Variants in PLXNB1 observed in about 807,000 individuals in gnomAD.
PLXNB1 encodes the protein plexin B1.
A neutral mutation model predicts 209.4 loss-of-function variants in PLXNB1; 106 were observed. The ratio of observed to expected loss-of-function variants is 0.51; its 90% CI spans 0.43 to 0.59. The LOEUF (loss-of-function observed/expected upper bound fraction) is 0.59. Among genes scored for constraint, PLXNB1 ranks in the 20% least tolerant of loss-of-function variants. The pLI is 0.00. For missense variants in PLXNB1, 2,357 were observed against 2,853.2 expected, an observed-to-expected ratio of 0.83 and a Z score of 3.96; for synonymous variants, 1,167 against 1,183.2, an observed-to-expected ratio of 0.99 and a Z score of 0.28.
chr3:48,423,964 G>A lies in PLXNB1; in HGVS notation c.648C>T (p.His216=). 2 of 1,613,992 alleles carry A rather than the reference G, an allele frequency of 1.2e-6. No homozygotes were observed. The highest frequency in any genetic ancestry group is 1.7e-6 in the Non-Finnish European group (2 of 1,179,984). ...LAVGRLSEYS[H]HFVSAFARGA... is the part of the protein sequence containing the mutation. The stretch of plus-strand genomic sequence containing the variant: ...CACGTGCAAAGGCACTCACGAAGTG[G>A]TGGCTGTACTCGGAGAGGCGGCCCA... Residue 216 remains histidine, a synonymous_variant, in exon 3 of 38, where the codon CAC becomes CAT. Transcript: ENST00000296440.
rs1251762988 is a variant in PLXNB1, at chr3:48,406,586, A to T, written c.6228+237T>A. 2.2e-6 allele frequency: 3 copies of T among 1,348,386 alleles called. No individual in the cohort carries two copies. The highest frequency in any genetic ancestry group is 2.9e-6 in the Non-Finnish European group (3 of 1,052,094). The allele number at this position is 1,348,386 out of a possible 1,614,324, so 83.5% of individuals were successfully genotyped here. ...CAGCTACCTTGCAAGAGCCTGGCTG[A>T]ATCAGGGTACATGGCAGCTGCCAGG... On this transcript the variant is annotated intron_variant, in intron 36 of 37. Coordinates refer to ENST00000296440, the MANE Select transcript of PLXNB1 (RefSeq NM_001130082.3). This position sits in a 1 kb window ranked among gnomAD's most constrained non-coding sequence, Gnocchi z 4.4.
chr3:48,422,500 G>A lies in PLXNB1; in HGVS notation c.1291-41C>T, dbSNP rs779040108. 5 of 1,531,308 alleles carry A rather than the reference G, an allele frequency of 3.3e-6. No homozygotes were observed. The South Asian group carries it at 4.9e-5, about 15-fold the overall frequency. 94.9% of individuals were successfully genotyped at this position (1,531,308 alleles called of 1,614,324 possible). ...ACAGGGTCTGGGACCCAAGTCCATG[G>A]CCAGAGGCCCAAAGCCCTCCCCTCC... On this transcript the variant is annotated intron_variant, in intron 4 of 37. Transcript: ENST00000296440.
Position 48,423,439 on chromosome 3 carries a change from C to T in PLXNB1, c.1107+66G>A, listed in dbSNP as rs567737745. 1.3e-4 allele frequency: 204 copies of T among 1,553,694 alleles called. No individual in the cohort carries two copies. In the African/African-American group the frequency reaches 2.3e-3, roughly 18 times the overall value. ...TGCCCTCGGACTCTCTGGGCAGCTC[C>T]TTGGCTGCAAATGCTTGGCCAGTGG... On this transcript the variant is annotated intron_variant, in intron 3 of 37. Transcript: ENST00000296440.
chr3:48,416,324 G>A lies in PLXNB1; in HGVS notation c.3480+22C>T, dbSNP rs767220788. 3 of 1,591,312 alleles carry A rather than the reference G, an allele frequency of 1.9e-6. No homozygotes were observed. The highest frequency in any genetic ancestry group is 2.6e-6 in the Non-Finnish European group (3 of 1,161,974). On this transcript the variant is annotated intron_variant, in intron 17 of 37. Coordinates refer to ENST00000296440, the MANE Select transcript of PLXNB1 (RefSeq NM_001130082.3). This position sits in a 1 kb window ranked among gnomAD's most constrained non-coding sequence, Gnocchi z 4.1. ...GAGAGGTTGGCCCGCTGGCAGCTGG[G>A]GGTGGCTCAGCAGTCAGGTACCTGG...
At position 48,406,823 on chromosome 3, in the gene PLXNB1, C is replaced by A. The variant is rs1179590812; in HGVS notation, c.6228G>T (p.Trp2076Cys). Reference protein sequence around the residue: ...EMNSVLAELSWNYSGDLGARV... With the variant: ...EMNSVLAELSCNYSGDLGARV... ...CCCAAGAAGCAGAGGGAGGCCTTAC[C>A]CAGGACAGTTCAGCCAGGACAGAGT... is the stretch of plus-strand genomic sequence containing the variant. Residue 2076 changes from tryptophan (W) to cysteine (C), a missense_variant and splice_region_variant, in exon 36 of 38, where the codon TGG becomes TGT. Transcript: ENST00000296440. This position sits in a 1 kb window ranked among gnomAD's most constrained non-coding sequence, Gnocchi z 4.4. 2.5e-6 allele frequency: 4 copies of A among 1,606,602 alleles called. No homozygotes were observed. In the African/African-American group the frequency reaches 5.4e-5, roughly 22 times the overall value.
chr3:48,406,736 CT>C lies in PLXNB1; in HGVS notation c.6228+86del. 2.7e-6 allele frequency: 4 copies of C among 1,495,270 alleles called. No individual in the cohort carries two copies. 92.6% of individuals were successfully genotyped at this position (1,495,270 alleles called of 1,614,324 possible). ...ACAGGGCTGCTGAGGTTCCCAAGGG[CT>C]TCCCTGCAAAGGGGCAGTGTGAAGG... On this transcript the variant is annotated intron_variant, in intron 36 of 37. Transcript: ENST00000296440. The surrounding 1 kb of genome is among the most constrained non-coding windows in gnomAD (Gnocchi z 4.4).
In PLXNB1 at chr3:48,422,892, C is replaced by T; in HGVS notation, c.1163G>A (p.Ser388Asn). ...TGGTGTGGCTTCCAGCGGGACCCGG[C>T]TGGCCATGGGGCTGGGCGTGTGGTC... The part of the protein sequence containing the change: ...GSDHTPSPMA[S>N]RVPLEATPIL... The change falls in exon 4 of 38, where the codon AGC becomes AAC. Residue 388 changes from serine to asparagine, a missense_variant. Transcript: ENST00000296440. 6.2e-7 allele frequency: 1 copy of T among 1,614,154 alleles called. No homozygotes were observed. The highest frequency in any genetic ancestry group is 8.5e-7 in the Non-Finnish European group (1 of 1,179,998).
rs370719969 is a variant in PLXNB1, at chr3:48,413,873, G to A, written c.4386+22C>T. ...TTTGGCCCAGGTCAATGCCCAGCCC[G>A]GCCAGGGACCTGCCCACTGACCGTG... On this transcript the variant is annotated intron_variant, in intron 22 of 37. Transcript: ENST00000296440. The surrounding 1 kb of genome is among the most constrained non-coding windows in gnomAD (Gnocchi z 5.4). The A allele has an allele frequency of 1.4e-5, 22 of 1,606,186 alleles. No homozygotes were observed. The highest frequency in any genetic ancestry group is 2.7e-5 in the African/African-American group (2 of 74,770).
rs2038223951 is a variant in PLXNB1 at position 48,418,167 on chromosome 3, G to C, written c.3222+24C>G. 6.2e-7 allele frequency: 1 copy of C among 1,610,758 alleles called. No homozygotes were observed. The highest frequency in any genetic ancestry group is 1.3e-5 in the African/African-American group (1 of 74,888). On this transcript the variant is annotated intron_variant, in intron 15 of 37. Coordinates refer to ENST00000296440, the MANE Select transcript of PLXNB1 (RefSeq NM_001130082.3). This position sits in a 1 kb window ranked among gnomAD's most constrained non-coding sequence, Gnocchi z 6.6. ...TCCCTCTAAGGGCAGCACTGAGGAA[G>C]GGATGGCCAGCCTTTCAACAAACCG...
Position 48,413,199 on chromosome 3 carries a change from G to A in PLXNB1, c.4536-30C>T, listed in dbSNP as rs755515049. On this transcript the variant is annotated intron_variant, in intron 23 of 37. Coordinates refer to ENST00000296440, the MANE Select transcript of PLXNB1 (RefSeq NM_001130082.3). This position sits in a 1 kb window ranked among gnomAD's most constrained non-coding sequence, Gnocchi z 5.4. ...TCAGCCCCAGGGTCAGGAGAGGATG[G>A]CCAGATGAGTCCTACTCGCCCAGGC... 1.9e-6 allele frequency: 3 copies of A among 1,554,284 alleles called. No homozygotes were observed. The highest frequency in any genetic ancestry group is 1.7e-5 in the Admixed American group (1 of 59,932).
rs767438000 is a variant in PLXNB1 at position 48,415,375 on chromosome 3, G to T, written c.3795-28C>A. On this transcript the variant is annotated intron_variant, in intron 19 of 37. Transcript: ENST00000296440. This position sits in a 1 kb window ranked among gnomAD's most constrained non-coding sequence, Gnocchi z 5.0. Reference sequence around the variant, plus strand: ...GAAACAGACCGTGAGCTTACGTAACGTAAGATGGCTTATGTTACCTGGACC... The same window carrying T: ...GAAACAGACCGTGAGCTTACGTAACTTAAGATGGCTTATGTTACCTGGACC... The T allele has an allele frequency of 3.7e-6, 6 of 1,603,514 alleles. No individual in the cohort carries two copies. Among genetic ancestry groups the T allele is most frequent in the Non-Finnish European group, 5.1e-6 (6 of 1,172,592 alleles).
intron 34 of PLXNB1, among the ~76,000 whole-genome samples, chr3:48,407,581 C>T (rs1271839391): frequency 2.6e-5 from 4 of 152,192 alleles, no homozygotes; most frequent in African/African-American, 9.7e-5. Context: ...GGTTCAAGTC[C>T]CAGCAGCCAT....
In PLXNB1 at chr3:48,413,854, C is replaced by T. The variant is rs2037870775; in HGVS notation, c.4387-36G>A. On this transcript the variant is annotated intron_variant, in intron 22 of 37. Coordinates refer to ENST00000296440, the MANE Select transcript of PLXNB1 (RefSeq NM_001130082.3). The surrounding 1 kb of genome is among the most constrained non-coding windows in gnomAD (Gnocchi z 5.4). ...AGCCACCTGTGAGCAAGGGTTTGGC[C>T]CAGGTCAATGCCCAGCCCGGCCAGG... is the stretch of plus-strand genomic sequence containing the variant. The T allele has an allele frequency of 6.2e-7, 1 of 1,609,150 alleles. No individual in the cohort carries two copies. Among genetic ancestry groups the T allele is most frequent in the African/African-American group, 1.3e-5 (1 of 74,866 alleles).
Position 48,417,303 on chromosome 3 carries a change from A to C in PLXNB1, c.3374+608T>G, listed in dbSNP as rs1391104096. Among the ~76,000 whole-genome samples, 3 of 152,220 alleles carry C rather than the reference A, an allele frequency of 2.0e-5. No homozygotes were observed. The highest frequency in any genetic ancestry group is 4.4e-5 in the Non-Finnish European group (3 of 68,026). ...GGGACAGGATCTGCAGGTTACCCTG[A>C]TATTCAGCCACGTTTGGGCCCTGCT... On this transcript the variant is annotated intron_variant, in intron 16 of 37. Transcript: ENST00000296440. This position sits in a 1 kb window ranked among gnomAD's most constrained non-coding sequence, Gnocchi z 4.4.
In PLXNB1 at chr3:48,417,128, G is replaced by C. The variant is rs2038150959; in HGVS notation, c.3375-677C>G. Among the ~76,000 whole-genome samples the C allele has an allele frequency of 6.6e-6, 1 of 152,140 alleles. No homozygotes were observed. Among genetic ancestry groups the C allele is most frequent in the Non-Finnish European group, 1.5e-5 (1 of 68,024 alleles). Reference sequence around the variant, plus strand: ...TAAATCACAGCAGTCTTATGGTCTGGAACACTAACAGTCTAGATAGTCACC... The same window carrying C: ...TAAATCACAGCAGTCTTATGGTCTGCAACACTAACAGTCTAGATAGTCACC... On this transcript the variant is annotated intron_variant, in intron 16 of 37. Transcript: ENST00000296440. This position sits in a 1 kb window ranked among gnomAD's most constrained non-coding sequence, Gnocchi z 4.4.
In PLXNB1 at chr3:48,419,713, C is replaced by A; in HGVS notation, c.2573G>T (p.Gly858Val). Residue 858 changes from glycine (G) to valine (V), a missense_variant, in exon 11 of 38, where the codon GGT becomes GTT. Gly to Val is a moderately radical substitution (Grantham distance 109, BLOSUM62 -3). Transcript: ENST00000296440. The surrounding 1 kb of genome is among the most constrained non-coding windows in gnomAD (Gnocchi z 5.7). Reference protein sequence around the residue: ...ELPEADEWTGGDAPAFSTSTL... With the variant: ...ELPEADEWTGVDAPAFSTSTL... ...GGAAGTGGAGAAGGCGGGTGCGTCA[C>A]CCCCCGTCCACTCGTCCGCCTCGGG... is the stretch of plus-strand genomic sequence containing the variant. The A allele has an allele frequency of 6.2e-7, 1 of 1,611,738 alleles. No individual in the cohort carries two copies. The highest frequency in any genetic ancestry group is 8.5e-7 in the Non-Finnish European group (1 of 1,179,684).
chr3:48,421,173 G>T, intron 8 of PLXNB1, 55 bp downstream of exon 8: 2 of 1,570,636 alleles, frequency 1.3e-6, no homozygotes, highest in South Asian at 1.2e-5. Context: ...TAACCCCACC[G>T]CATCCCCTGA....
At position 48,415,370 on chromosome 3, in the gene PLXNB1, G is replaced by C. The variant is rs368207595; in HGVS notation, c.3795-23C>G. 1 of 1,607,780 alleles carries C rather than the reference G, an allele frequency of 6.2e-7. No individual in the cohort carries two copies. The highest frequency in any genetic ancestry group is 2.2e-5 in the East Asian group (1 of 44,714). ...CCACTGAAACAGACCGTGAGCTTAC[G>C]TAACGTAAGATGGCTTATGTTACCT... is the stretch of plus-strand genomic sequence containing the variant. On this transcript the variant is annotated intron_variant, in intron 19 of 37. Transcript: ENST00000296440. This position sits in a 1 kb window ranked among gnomAD's most constrained non-coding sequence, Gnocchi z 5.0.
chr3:48,414,832 G>T lies in PLXNB1; in HGVS notation c.4176C>A (p.Phe1392Leu), dbSNP rs766978363. 1.9e-6 allele frequency: 3 copies of T among 1,614,082 alleles called. No individual in the cohort carries two copies. The South Asian group carries it at 3.3e-5, about 18-fold the overall frequency. ...AGAACACACTCCCAGGCTTGTGCCGGAATGGCATGGTGGGGTCCTCAGGGT... is the reference window on the plus strand; with the variant it reads ...AGAACACACTCCCAGGCTTGTGCCGTAATGGCATGGTGGGGTCCTCAGGGT... ...PLNPEDPTMP[F>L]RHKPGSVFSV... The change falls in exon 21 of 38, where the codon TTC becomes TTA. Residue 1392 changes from phenylalanine (F) to leucine (L), a missense_variant. Phe to Leu is a conservative substitution (Grantham distance 22). Transcript: ENST00000296440.
Sources: gnomAD v4.1 joint callset for allele counts (sites outside exome capture counted in the v4.1 genomes callset) on GRCh38, gnomAD v4.1.1 for gene constraint, Gnocchi (gnomAD v3.1) non-coding constraint, MANE v1.5 for transcripts, NCBI Gene and HGNC (gene_info 2026-07-23, HGNC 2026-07-21) for gene names.